IL1RN: variants seen among roughly 807,000 people sequenced by gnomAD.
The protein encoded by IL1RN is interleukin-1 receptor antagonist protein.
A neutral mutation model predicts 13.7 loss-of-function variants in IL1RN; 10 were observed. The observed-to-expected ratio is 0.73, with a 90% confidence interval of 0.45 to 1.24. The LOEUF is 1.24. Ranked by LOEUF, IL1RN falls within the 50% of genes most tolerant of loss-of-function variation. IL1RN has a pLI of 0.00. For synonymous variants in IL1RN, 102 were observed against 82.7 expected, an observed-to-expected ratio of 1.23 and a Z score of -1.27; for missense variants, 213 against 222.1, an observed-to-expected ratio of 0.96 and a Z score of 0.26.
intron 1 of IL1RN, among the ~76,000 whole-genome samples, chr2:113,119,193 A>G (rs564312311): frequency 6.6e-6 from 1 of 152,380 alleles, no homozygotes; most frequent in African/African-American, 2.4e-5. Flanking sequence ...TAGTAAGCAC[A>G]GTGGAAGTGT....
chr2:113,127,526 G>C, upstream of IL1RN: 2 of 1,515,128 alleles, frequency 1.3e-6, no homozygotes, highest in Non-Finnish European at 1.8e-6. Context: ...TCGCAGTGGG[G>C]CAGGGTGGCA....
upstream of IL1RN, among the ~76,000 whole-genome samples, chr2:113,104,129 G>GAGGA: frequency 6.6e-6 from 1 of 152,226 alleles, no homozygotes; most frequent in Middle Eastern, 3.4e-3. Flanking sequence ...CTGAAGCACT[G>GAGGA]AGGAAGGAAG....
At chr2:113,132,514 C>T (rs1218217474) in intron 3 of IL1RN, 142 bp from the exon 4 acceptor site, 3 of 723,792 alleles carry the variant, frequency 4.1e-6, no homozygotes, top group Non-Finnish European at 7.4e-6. Context: ...GACAGGAGCA[C>T]CTGGGGGCTT....
chr2:113,128,591 C>T (rs1029965057), intron 1 of IL1RN, among the ~76,000 whole-genome samples: 2 of 152,056 alleles, frequency 1.3e-5, no homozygotes, highest in Admixed American at 6.6e-5. Flanking sequence ...CTCCTGGAGG[C>T]CCCAGCAGGT....
At chr2:113,115,806 C>T (rs1686581259), upstream of IL1RN, 1 of 152,218 alleles carries the variant, frequency 6.6e-6, no homozygotes, top group African/African-American at 2.4e-5. Flanking sequence ...TGGGGTGCTA[C>T]AGATGCCCGT....
upstream of IL1RN, among the ~76,000 whole-genome samples, chr2:113,103,522 T>C (rs751586046): frequency 3.3e-5 from 5 of 152,154 alleles, no homozygotes; most frequent in Non-Finnish European, 7.4e-5. Flanking sequence ...CTCTAGCAGC[T>C]AGCAATGATT....
At chr2:113,099,948 A>G in the IL1RN span, among the ~76,000 whole-genome samples, 42 of 136,016 alleles carry the variant, frequency 3.1e-4, no homozygotes, top group African/African-American at 1.0e-3. Context: ...GTTAGCCAGG[A>G]TGGTCTCGAT....
At chr2:113,124,067 T>TA (rs1686871555), upstream of IL1RN, among the ~76,000 whole-genome samples, 2 of 152,140 alleles carry the variant, frequency 1.3e-5, no homozygotes, top group Non-Finnish European at 2.9e-5. Context: ...AAAACCCCTT[T>TA]ACGTGGGGCT....
chr2:113,112,407 C>T (rs1396085762), intron 1 of IL1RN, among the ~76,000 whole-genome samples: 4 of 152,216 alleles, frequency 2.6e-5, no homozygotes, highest in Middle Eastern at 3.4e-3. Context: ...TAGTCCTTCC[C>T]GCCAGAATGC....
In IL1RN at chr2:113,131,100, A is replaced by G. The variant is rs770774243; in HGVS notation, c.261A>G (p.Gly87=). ...EPHALFLGIH[G]GKMCLSCVKS... Reference sequence around the variant, plus strand: ...ATGCTCTGTTCTTGGGAATCCATGGAGGGAAGATGTGCCTGTCCTGTGTCA... The same window carrying G: ...ATGCTCTGTTCTTGGGAATCCATGGGGGGAAGATGTGCCTGTCCTGTGTCA... Residue 87 remains glycine (G), a synonymous_variant, in exon 3 of 4, where the codon GGA becomes GGG. Transcript: ENST00000409930. 35 of 1,613,728 alleles carry G rather than the reference A, an allele frequency of 2.2e-5. No homozygotes were observed. Among genetic ancestry groups the G allele is most frequent in the Non-Finnish European group, 2.8e-5 (33 of 1,179,734 alleles).
upstream of IL1RN, among the ~76,000 whole-genome samples, chr2:113,124,447 C>A (rs1894405): frequency 2.6e-5 from 4 of 152,214 alleles, no homozygotes; most frequent in East Asian, 3.9e-4. Flanking sequence ...CAGCCCCCCC[C>A]CTTTGGAGTC....
chr2:113,110,286 G>C (rs1483370638), upstream of IL1RN, among the ~76,000 whole-genome samples: 1 of 152,084 alleles, frequency 6.6e-6, no homozygotes, highest in African/African-American at 2.4e-5. Context: ...GTCATTCTGG[G>C]GTTTATGGGA....
At chr2:113,124,889 G>A (rs575392463), upstream of IL1RN, among the ~76,000 whole-genome samples, 2 of 152,150 alleles carry the variant, frequency 1.3e-5, no homozygotes, top group Admixed American at 6.5e-5. Context: ...GCGGGGAAAT[G>A]ACACAGAGCA....
chr2:113,126,422 T>G (rs1000822593), upstream of IL1RN, among the ~76,000 whole-genome samples: 5 of 152,174 alleles, frequency 3.3e-5, no homozygotes, highest in Non-Finnish European at 2.9e-5. Flanking sequence ...AATGCCAGGT[T>G]GGGACAGGAT....
chr2:113,107,569 C>CAA (rs33981313), upstream of IL1RN, among the ~76,000 whole-genome samples: 27,783 of 143,036 alleles, frequency 0.19, 2,944 homozygotes, highest in East Asian at 0.27. Context: ...ACTAAAAATA[C>CAA]AAAAAAAAAA....
At position 113,120,138 on chromosome 2, in the gene IL1RN, T is replaced by C. The variant is rs745408148; in HGVS notation, c.73+10T>C. The C allele has an allele frequency of 2.1e-5, 33 of 1,605,000 alleles. No individual in the cohort carries two copies. Among genetic ancestry groups the C allele is most frequent in the Non-Finnish European group, 2.7e-5 (32 of 1,172,200 alleles). ...AATGCTGACTCAAAGGGTAAATTAT[T>C]TTTAGGATCCAAGTTTGAAAACAAT... On this transcript the variant is annotated intron_variant, in intron 2 of 5. Coordinates refer to the IL1RN transcript ENST00000259206.
rs1047969128 is a variant in IL1RN, at chr2:113,133,107, C to G, written c.*236C>G. 2 of 586,392 alleles carry G rather than the reference C, an allele frequency of 3.4e-6. No individual in the cohort carries two copies. The highest frequency in any genetic ancestry group is 3.7e-5 in the African/African-American group (2 of 53,790). The allele number at this position is 586,392 out of a possible 1,614,324, so 36.3% of individuals were successfully genotyped here. On this transcript the variant is annotated 3_prime_UTR_variant, in exon 4 of 4. Transcript: ENST00000409930. ...TGTGTGAATCAGAGCACAGCAGCCC[C>G]TGCACAAAGCCCTTCCATGTCGCCT...
At chr2:113,099,484 C>G in the IL1RN span, among the ~76,000 whole-genome samples, 2 of 152,216 alleles carry the variant, frequency 1.3e-5, no homozygotes, top group Non-Finnish European at 2.9e-5. Flanking sequence ...CTACAAGCCT[C>G]CCAGCTGAGA....
chr2:113,114,453 C>T (rs1227406683), upstream of IL1RN, among the ~76,000 whole-genome samples: 1 of 152,106 alleles, frequency 6.6e-6, no homozygotes, highest in East Asian at 1.9e-4. Context: ...AGGTCAGGTA[C>T]ATGTGTAATC....
Sources: allele counts gnomAD v4.1 joint callset (sites outside exome capture counted in the v4.1 genomes callset), GRCh38; gene constraint gnomAD v4.1.1; transcripts MANE v1.5; gene names NCBI Gene and HGNC (gene_info 2026-07-23, HGNC 2026-07-21).